Variants in CEP112 observed in about 807,000 individuals in gnomAD.
The protein encoded by CEP112 is centrosomal protein 112, also known as centrosomal protein of 112 kDa.
A neutral mutation model predicts 153.0 loss-of-function variants in CEP112; 127 were observed. That is an observed-to-expected ratio of 0.83 (90% CI 0.72 to 0.96). The LOEUF is 0.96. Among genes scored for constraint, CEP112 ranks in the 40% least tolerant of loss-of-function variants. CEP112 has a pLI of 0.00. For missense variants in CEP112, 1,089 were observed against 1,101.2 expected, an observed-to-expected ratio of 0.99 and a Z score of 0.16; for synonymous variants, 358 against 374.4, an observed-to-expected ratio of 0.96 and a Z score of 0.51.
At chr17:65,687,330 C>T (rs1370166697) in intron 24 of CEP112, among the ~76,000 whole-genome samples, 1 of 151,720 alleles carries the variant, frequency 6.6e-6, no homozygotes. Context: ...CCACGCCCAG[C>T]TAATTTTTGT....
intron 21 of CEP112, among the ~76,000 whole-genome samples, chr17:65,811,269 T>G (rs2055932347): frequency 6.6e-6 from 1 of 152,070 alleles, no homozygotes; most frequent in African/African-American, 2.4e-5. Context: ...TTCAAGGAAG[T>G]GGTTACTCTG....
At chr17:66,115,042 TA>T (rs1173995611) in intron 6 of CEP112, among the ~76,000 whole-genome samples, 1 of 151,976 alleles carries the variant, frequency 6.6e-6, no homozygotes, top group Admixed American at 6.6e-5. Flanking sequence ...CTGTCTCTAC[TA>T]AAAATATAAA....
chr17:66,010,408 G>A (rs560707520), intron 16 of CEP112, among the ~76,000 whole-genome samples: 48 of 152,154 alleles, frequency 3.2e-4, no homozygotes, highest in Non-Finnish European at 6.2e-4. Context: ...TCCGCAAACA[G>A]GGATATTTGA....
At chr17:66,018,619 A>G (rs930270286) in intron 16 of CEP112, among the ~76,000 whole-genome samples, 17 of 152,246 alleles carry the variant, frequency 1.1e-4, no homozygotes, top group Non-Finnish European at 2.1e-4. Flanking sequence ...ACTCTTAAAA[A>G]TCATGTCAGT....
intron 23 of CEP112, among the ~76,000 whole-genome samples, chr17:65,700,018 C>T (rs232145): frequency 0.47 from 71,823 of 151,730 alleles, 17,372 homozygotes; most frequent in Middle Eastern, 0.56. Context: ...GAACACTCTA[C>T]TTCCAGAAAT....
At chr17:65,894,877 T>C (rs1262205134) in intron 20 of CEP112, among the ~76,000 whole-genome samples, 2 of 152,144 alleles carry the variant, frequency 1.3e-5, no homozygotes, top group East Asian at 3.8e-4. Context: ...ATTGCATATC[T>C]CTTTAGAGTT....
At chr17:65,911,723 AAAT>A (rs1220446394) in intron 19 of CEP112, among the ~76,000 whole-genome samples, 1 of 152,186 alleles carries the variant, frequency 6.6e-6, no homozygotes, top group Non-Finnish European at 1.5e-5. Context: ...TTGTTTCTTC[AAAT>A]AATTTCACAT....
rs1003536709 is a variant in CEP112 at position 66,086,677 on chromosome 17, G to A, written c.768+9574C>T. Reference sequence around the variant, plus strand: ...CACCTAAAGTGCTGGGATTACAGGCGTGAGCCACCGTGCCTGGCCATACCA... The same window carrying A: ...CACCTAAAGTGCTGGGATTACAGGCATGAGCCACCGTGCCTGGCCATACCA... On this transcript the variant is annotated intron_variant, in intron 8 of 26. Coordinates refer to ENST00000535342, the MANE Select transcript of CEP112 (RefSeq NM_001199165.4). Among the ~76,000 whole-genome samples the A allele has an allele frequency of 4.6e-5, 7 of 151,374 alleles. No homozygotes were observed. The East Asian group carries it at 9.7e-4, about 21-fold the overall frequency.
intron 25 of CEP112, among the ~76,000 whole-genome samples, chr17:65,639,781 A>C (rs1021351491): frequency 6.6e-6 from 1 of 151,586 alleles, no homozygotes. Flanking sequence ...AACATGTTAG[A>C]AGTTTTTCTC....
chr17:65,865,569 G>A (rs552889886), intron 20 of CEP112, among the ~76,000 whole-genome samples: 5 of 152,174 alleles, frequency 3.3e-5, no homozygotes, highest in Admixed American at 6.5e-5. Flanking sequence ...CAGGCCTGGA[G>A]CCTCTGCCAC....
At chr17:65,677,045 G>GC (rs1567849057) in intron 24 of CEP112, among the ~76,000 whole-genome samples, 1 of 151,738 alleles carries the variant, frequency 6.6e-6, no homozygotes, top group South Asian at 2.1e-4. Context: ...GCTGAGAAGA[G>GC]CCCCCCAAAT....
At chr17:65,692,139 A>G (rs1220171031) in intron 23 of CEP112, among the ~76,000 whole-genome samples, 1 of 151,548 alleles carries the variant, frequency 6.6e-6, no homozygotes, top group Non-Finnish European at 1.5e-5. Flanking sequence ...TATTCCATCT[A>G]TGTTAGAGAG....
At chr17:65,655,505 T>C (rs2046019944) in intron 24 of CEP112, 1 of 628,710 alleles carries the variant, frequency 1.6e-6, no homozygotes, top group Admixed American at 3.0e-5. Flanking sequence ...ACATGTTGAC[T>C]TTATTTTGTA....
chr17:65,824,194 T>C (rs1342292651), intron 21 of CEP112, among the ~76,000 whole-genome samples: 1 of 152,240 alleles, frequency 6.6e-6, no homozygotes, highest in Non-Finnish European at 1.5e-5. Context: ...GGATAAGTTT[T>C]GTACTCCCAT....
chr17:66,106,578 C>T (rs951982544), intron 6 of CEP112, among the ~76,000 whole-genome samples: 4 of 151,846 alleles, frequency 2.6e-5, no homozygotes, highest in Admixed American at 2.0e-4. Flanking sequence ...ATACAACCTA[C>T]CAAGAGTGAA....
chr17:66,038,542 G>A (rs1263300728), intron 12 of CEP112, among the ~76,000 whole-genome samples: 1 of 152,178 alleles, frequency 6.6e-6, no homozygotes, highest in Non-Finnish European at 1.5e-5. Context: ...ATGCAAAATA[G>A]TGGAGTTCTT....
intron 21 of CEP112, among the ~76,000 whole-genome samples, chr17:65,784,712 C>G (rs999577125): frequency 6.6e-6 from 1 of 152,152 alleles, no homozygotes; most frequent in African/African-American, 2.4e-5. Context: ...AACTCCTGAC[C>G]TCATGATCCG....
chr17:65,689,170 C>T lies in CEP112; in HGVS notation c.2656G>A (p.Glu886Lys), dbSNP rs899656877. The T allele has an allele frequency of 6.2e-7, 1 of 1,613,790 alleles. No homozygotes were observed. The highest frequency in any genetic ancestry group is 1.1e-5 in the South Asian group (1 of 91,060). Reference protein sequence around the residue: ...ENRSNQVRCAEKKLQHKELES... With the variant: ...ENRSNQVRCAKKKLQHKELES... ...AATTCTTTGTGTTGTAATTTTTTCT[C>T]TGCACATCGCACCTGATTAGAACGG... Residue 886 changes from glutamate (E) to lysine (K), a missense_variant, in exon 24 of 27, where the codon GAG becomes AAG. Transcript: ENST00000535342.
At chr17:65,794,347 T>C (rs914077841) in intron 21 of CEP112, among the ~76,000 whole-genome samples, 1 of 152,230 alleles carries the variant, frequency 6.6e-6, no homozygotes, top group Admixed American at 6.5e-5. Flanking sequence ...CTCCTTCCAC[T>C]GGCTCATTTC....
Sources: gnomAD v4.1 joint callset for allele counts (sites outside exome capture counted in the v4.1 genomes callset) on GRCh38, gnomAD v4.1.1 for gene constraint, MANE v1.5 for transcripts, NCBI Gene and HGNC (gene_info 2026-07-23, HGNC 2026-07-21) for gene names.